ALDH7A1: variants seen among roughly 807,000 people sequenced by gnomAD.
The protein encoded by ALDH7A1 is alpha-aminoadipic semialdehyde dehydrogenase.
Under a neutral mutation model 79.9 loss-of-function variants are expected in ALDH7A1, and 63 were observed. The ratio of observed to expected loss-of-function variants is 0.79; its 90% confidence interval spans 0.64 to 0.97. ALDH7A1 has a LOEUF of 0.97. Ranked by LOEUF, ALDH7A1 falls within the 50% of genes least tolerant of loss-of-function variation. ALDH7A1 has a pLI of 0.00. For synonymous variants in ALDH7A1, 240 were observed against 231.2 expected (o/e 1.04, Z -0.34); for missense variants, 627 against 665.2 (o/e 0.94, Z 0.63).
At chr5:126,579,320 C>A (rs574406801) in intron 5 of ALDH7A1, among the ~76,000 whole-genome samples, 3 of 152,322 alleles carry the variant, frequency 2.0e-5, no homozygotes, top group East Asian at 3.9e-4. Context: ...CCATTTGGGA[C>A]CTTACCTTGG....
intron 10 of ALDH7A1, 69 bp from the exon 11 acceptor site, chr5:126,559,403 A>G (rs1750317895): frequency 1.6e-5 from 19 of 1,191,614 alleles, no homozygotes; most frequent in Non-Finnish European, 2.2e-5. Context: ...TAGCTGGTAT[A>G]AAACAATGTT....
chr5:126,577,965 C>A (rs1751035183), intron 5 of ALDH7A1, among the ~76,000 whole-genome samples: 2 of 150,568 alleles, frequency 1.3e-5, no homozygotes, highest in Non-Finnish European at 3.0e-5. Context: ...AGGGGGAGTT[C>A]TAATAATTAT....
In ALDH7A1 at chr5:126,544,987, G is replaced by A; in HGVS notation, c.1598C>T (p.Ala533Val). 1 of 1,610,652 alleles carries A rather than the reference G, an allele frequency of 6.2e-7. No individual in the cohort carries two copies. Among genetic ancestry groups the A allele is most frequent in the African/African-American group, 1.3e-5 (1 of 74,924 alleles). Reference protein sequence around the residue: ...TINYSKDLPLAQGIKFQ With the variant: ...TINYSKDLPLVQGIKFQ ...CCTTTACTGAAACTTGATTCCTTGG[G>A]CCAGAGGAAGGTCTTTACTGTAGTT... Residue 533 changes from alanine (A) to valine (V), a missense_variant, in exon 18 of 18, where the codon GCC (alanine) becomes GTC (valine). By Grantham distance (64) the Ala-to-Val change is moderately conservative (BLOSUM62 0). Transcript: ENST00000409134.
In ALDH7A1 at chr5:126,549,925, G is replaced by A. The variant is rs775065938; in HGVS notation, c.1489+4C>T. 21 of 1,613,582 alleles carry A rather than the reference G, an allele frequency of 1.3e-5. No homozygotes were observed. In the East Asian group the frequency reaches 1.6e-4, roughly 12 times the overall value. On this transcript the variant is annotated splice_donor_region_variant and intron_variant, in intron 16 of 17. Transcript: ENST00000409134. The stretch of plus-strand genomic sequence containing the variant: ...TGGAAAAGGAGAAATGATTCTCTAC[G>A]TACCAAAGGCACCTCCAATCTCAGC...
At position 126,543,237 on chromosome 5, in the gene ALDH7A1, CAT is replaced by C. The variant is rs1363915819; in HGVS notation, c.*1726_*1727del. The C allele has an allele frequency of 2.8e-5, 4 of 144,928 alleles. No individual in the cohort carries two copies. The highest frequency in any genetic ancestry group is 5.2e-5 in the African/African-American group (2 of 38,290). 9.0% of individuals were successfully genotyped at this position (144,928 alleles called of 1,614,324 possible). Reference sequence around the variant, plus strand: ...AGAACAAAGAGGAACAAATTGAAGGCATATGTTTTAATGAACATTATAACCAA... The same window carrying C: ...AGAACAAAGAGGAACAAATTGAAGGCATGTTTTAATGAACATTATAACCAA... On this transcript the variant is annotated 3_prime_UTR_variant, in exon 18 of 18. Transcript: ENST00000409134.
intron 5 of ALDH7A1, among the ~76,000 whole-genome samples, chr5:126,577,532 G>C (rs1751018394): frequency 6.6e-6 from 1 of 152,120 alleles, no homozygotes; most frequent in Admixed American, 6.6e-5. Flanking sequence ...TGATCACAAA[G>C]GGCAGAACAT....
intron 9 of ALDH7A1, among the ~76,000 whole-genome samples, chr5:126,564,068 T>A (rs1468653686): frequency 6.6e-6 from 1 of 152,216 alleles, no homozygotes; most frequent in Non-Finnish European, 1.5e-5. Context: ...ATTACAGATA[T>A]GAGCCACTAC....
chr5:126,550,622 C>T (rs1386087913), intron 14 of ALDH7A1, among the ~76,000 whole-genome samples: 2 of 146,002 alleles, frequency 1.4e-5, no homozygotes, highest in African/African-American at 4.9e-5. Context: ...GTTATTTAAT[C>T]CTCATCCTAT....
At chr5:126,546,494 G>C in intron 16 of ALDH7A1, 95 bp from the exon 17 acceptor site, 1 of 1,071,986 alleles carries the variant, frequency 9.3e-7, no homozygotes, top group Non-Finnish European at 1.4e-6. Context: ...AAGGACACCA[G>C]AACAACCTGA....
chr5:126,592,473 A>G (rs554854241), intron 3 of ALDH7A1, 191 bp downstream of exon 3: 43 of 607,378 alleles, frequency 7.1e-5, no homozygotes, highest in Non-Finnish European at 1.2e-4. Context: ...AAGTACAAAA[A>G]AGGCACTACC....
At chr5:126,558,189 A>G (rs1424231367) in intron 11 of ALDH7A1, among the ~76,000 whole-genome samples, 2 of 137,800 alleles carry the variant, frequency 1.5e-5, no homozygotes, top group Admixed American at 7.4e-5. Flanking sequence ...AAAAAAAAAA[A>G]AACACAAAAA....
intron 3 of ALDH7A1, chr5:126,587,500 G>A (rs1158535871): frequency 6.6e-6 from 1 of 151,138 alleles, no homozygotes; most frequent in Non-Finnish European, 1.5e-5. Flanking sequence ...AATTGGTGGC[G>A]GGCACCTGTA....
At chr5:126,557,275 C>A (rs1016390968) in intron 11 of ALDH7A1, among the ~76,000 whole-genome samples, 4 of 152,026 alleles carry the variant, frequency 2.6e-5, no homozygotes, top group Admixed American at 1.3e-4. Context: ...ATGCAAAACA[C>A]CTGAAAAAAC....
intron 4 of ALDH7A1, among the ~76,000 whole-genome samples, chr5:126,583,673 C>A (rs1316986690): frequency 6.6e-6 from 1 of 151,414 alleles, no homozygotes; most frequent in Non-Finnish European, 1.5e-5. Context: ...CCCATGTCTA[C>A]TTTAAAAATA....
intron 5 of ALDH7A1, 80 bp downstream of exon 5, chr5:126,582,771 C>T: frequency 6.5e-7 from 1 of 1,545,694 alleles, no homozygotes; most frequent in South Asian, 1.1e-5. Flanking sequence ...TTTGCACAGT[C>T]AATAGCCAGA....
intron 3 of ALDH7A1, among the ~76,000 whole-genome samples, chr5:126,590,705 T>G (rs1327449108): frequency 6.6e-6 from 1 of 151,438 alleles, no homozygotes; most frequent in East Asian, 1.9e-4. Context: ...GGCAATATGG[T>G]GAAACCCCAC....
chr5:126,561,393 A>G, intron 9 of ALDH7A1: 2 of 250,980 alleles, frequency 8.0e-6, no homozygotes, highest in Non-Finnish European at 1.5e-5. Flanking sequence ...AAATGTCCAC[A>G]TTCTTAGGAA....
intron 9 of ALDH7A1, among the ~76,000 whole-genome samples, chr5:126,563,551 G>A (rs182953364): frequency 1.6e-3 from 249 of 152,020 alleles, no homozygotes; most frequent in African/African-American, 5.3e-3. Context: ...GTGCAGTGGC[G>A]TGATCTCGGC....
chr5:126,588,590 T>C (rs1201954926), intron 3 of ALDH7A1: 1 of 152,158 alleles, frequency 6.6e-6, no homozygotes, highest in Non-Finnish European at 1.5e-5. Context: ...ACGTTTCTAG[T>C]CAAAAGACAA....
Sources: gnomAD v4.1 joint callset for allele counts (sites outside exome capture counted in the v4.1 genomes callset) on GRCh38, gnomAD v4.1.1 for gene constraint, MANE v1.5 for transcripts, NCBI Gene and HGNC (gene_info 2026-07-23, HGNC 2026-07-21) for gene names.